Variants in SEMA6D observed in about 807,000 individuals in gnomAD.
SEMA6D encodes the protein semaphorin-6D.
In SEMA6D, 35 loss-of-function variants were observed where a neutral mutation model predicts 106.6. That is an observed-to-expected ratio of 0.33 (90% CI 0.25 to 0.44). The LOEUF (loss-of-function observed/expected upper bound fraction) is 0.44. SEMA6D is among the 20% of genes least tolerant of loss of function. SEMA6D has a pLI of 1.00. For synonymous variants in SEMA6D, 499 were observed against 487.7 expected (o/e 1.02, Z -0.31); for missense variants, 1,185 against 1,345.9 (o/e 0.88, Z 1.87).
chr15:47,552,792 TTA>T (rs377105227), intron 3 of SEMA6D, among the ~76,000 whole-genome samples: 1 of 62,126 alleles, frequency 1.6e-5, no homozygotes, highest in African/African-American at 7.4e-5. Flanking sequence ...ATATATATTT[TTA>T]TATATATATA....
intron 2 of SEMA6D, among the ~76,000 whole-genome samples, chr15:47,444,238 A>C (rs74347058): frequency 6.6e-6 from 1 of 152,166 alleles, no homozygotes; most frequent in African/African-American, 2.4e-5. Context: ...AGTTACTAAC[A>C]ATACAGAGGA....
chr15:47,287,366 A>G (rs1159053594), intron 1 of SEMA6D, among the ~76,000 whole-genome samples: 2 of 152,188 alleles, frequency 1.3e-5, no homozygotes, highest in South Asian at 2.1e-4. Context: ...ATAGTCTTTG[A>G]AGGAAAAGAA....
Position 47,770,719 on chromosome 15 carries a change from G to C in SEMA6D, c.2156G>C (p.Gly719Ala). ...AGTGGAAGTTTTGCCAAACTGAATG[G>C]TCTCTTTGACAGCCCTGTCAAGGAA... ...DSSGSFAKLN[G>A]LFDSPVKEYQ... The change falls in exon 19 of 19, where the codon GGT becomes GCT. Residue 719 changes from glycine to alanine, a missense_variant. Around this residue, in one of 3 missense-constraint regions of SEMA6D, gnomAD observed 750 missense variants for 783.5 expected, o/e 0.96. Coordinates refer to ENST00000536845, the MANE Select transcript of SEMA6D (RefSeq NM_001358351.3). 1.9e-6 allele frequency: 3 copies of C among 1,614,060 alleles called. No individual in the cohort carries two copies. Among genetic ancestry groups the C allele is most frequent in the Non-Finnish European group, 2.5e-6 (3 of 1,179,984 alleles).
intron 1 of SEMA6D, among the ~76,000 whole-genome samples, chr15:47,378,246 T>C (rs544181987): frequency 6.6e-5 from 10 of 152,286 alleles, no homozygotes; most frequent in African/African-American, 2.4e-4. Context: ...CTTGTAATCC[T>C]GGCACTTTGG....
At chr15:47,297,283 G>A (rs913418669) in intron 1 of SEMA6D, among the ~76,000 whole-genome samples, 2 of 151,980 alleles carry the variant, frequency 1.3e-5, no homozygotes, top group African/African-American at 2.4e-5. Context: ...CAGATGTTTC[G>A]ACTACAAATG....
intron 3 of SEMA6D, among the ~76,000 whole-genome samples, chr15:47,528,056 T>C (rs757298381): frequency 6.6e-6 from 1 of 152,210 alleles, no homozygotes; most frequent in Non-Finnish European, 1.5e-5. Flanking sequence ...CCACTTCAGC[T>C]CTTCATGCTT....
upstream of SEMA6D, among the ~76,000 whole-genome samples, chr15:47,715,607 C>T (rs78118014): frequency 7.4e-3 from 1,134 of 152,268 alleles, 16 homozygotes; most frequent in African/African-American, 0.026. Context: ...ACTGAAAACA[C>T]GGCTAATCCA....
intron 1 of SEMA6D, among the ~76,000 whole-genome samples, chr15:47,732,497 T>C (rs1317079282): frequency 6.6e-6 from 1 of 152,204 alleles, no homozygotes; most frequent in Non-Finnish European, 1.5e-5. Context: ...CCTGCTCATG[T>C]ATGAAGCCTA....
At chr15:47,365,162 G>A (rs559301205) in intron 1 of SEMA6D, among the ~76,000 whole-genome samples, 1 of 152,332 alleles carries the variant, frequency 6.6e-6, no homozygotes, top group African/African-American at 2.4e-5. Flanking sequence ...CTGAGCAAAA[G>A]AGACGACCTG....
At chr15:47,311,240 A>G (rs1278935349) in intron 1 of SEMA6D, among the ~76,000 whole-genome samples, 1 of 152,204 alleles carries the variant, frequency 6.6e-6, no homozygotes, top group Non-Finnish European at 1.5e-5. Flanking sequence ...AAAAGTTTAC[A>G]TAGGTAGAGT....
chr15:47,287,656 G>A (rs919186894), intron 1 of SEMA6D, among the ~76,000 whole-genome samples: 3 of 152,020 alleles, frequency 2.0e-5, no homozygotes, highest in South Asian at 4.2e-4. Flanking sequence ...CCCTTCCTTC[G>A]TTGCTAATTT....
chr15:47,411,180 C>T (rs1284994002), intron 1 of SEMA6D, among the ~76,000 whole-genome samples: 1 of 151,980 alleles, frequency 6.6e-6, no homozygotes, highest in Non-Finnish European at 1.5e-5. Context: ...ACTGCAACCT[C>T]GGTTTCCTGG....
intron 1 of SEMA6D, among the ~76,000 whole-genome samples, chr15:47,325,042 G>T (rs2037072058): frequency 6.6e-6 from 1 of 152,100 alleles, no homozygotes; most frequent in Admixed American, 6.5e-5. Context: ...AAAGTATCTT[G>T]TGGCACTTCC....
chr15:47,222,648 G>A (rs1205278790), intron 1 of SEMA6D, among the ~76,000 whole-genome samples: 1 of 152,114 alleles, frequency 6.6e-6, no homozygotes, highest in Non-Finnish European at 1.5e-5. Flanking sequence ...CAGCTTCTCT[G>A]CATTTGTCAC....
rs530308726 is a variant in SEMA6D at position 47,363,815 on chromosome 15, T to C, written c.-238-48578T>C. On this transcript the variant is annotated intron_variant, in intron 1 of 19. Transcript: ENST00000558014. ...GAAAGAGGTTTAATTAACTTCCAGT[T>C]CTGCATGGCTTGGGAGGCCTCAGGA... is the stretch of plus-strand genomic sequence containing the variant. Among the ~76,000 whole-genome samples the C allele has an allele frequency of 3.3e-5, 5 of 152,296 alleles. No homozygotes were observed. In the South Asian group the frequency reaches 1.0e-3, roughly 32 times the overall value.
chr15:47,522,465 A>C (rs187253280), intron 3 of SEMA6D, among the ~76,000 whole-genome samples: 42 of 152,282 alleles, frequency 2.8e-4, no homozygotes, highest in African/African-American at 9.9e-4. Flanking sequence ...TGTCTCATTT[A>C]CACTCTATCT....
At chr15:47,220,726 C>T (rs963314594) in intron 1 of SEMA6D, among the ~76,000 whole-genome samples, 1 of 152,208 alleles carries the variant, frequency 6.6e-6, no homozygotes, top group Non-Finnish European at 1.5e-5. Context: ...TCTTTCTGGT[C>T]TCTCACAGGT....
intron 3 of SEMA6D, among the ~76,000 whole-genome samples, chr15:47,491,786 G>T (rs1389700768): frequency 6.6e-6 from 1 of 152,154 alleles, no homozygotes; most frequent in African/African-American, 2.4e-5. Flanking sequence ...TTTTGCCAAA[G>T]AAATCTCATT....
chr15:47,721,927 G>A (rs1250687839), intron 1 of SEMA6D, among the ~76,000 whole-genome samples: 3 of 151,998 alleles, frequency 2.0e-5, no homozygotes, highest in Non-Finnish European at 4.4e-5. Context: ...ATCACCATTT[G>A]GAGCTACATG....
Sources: allele counts gnomAD v4.1 joint callset (sites outside exome capture counted in the v4.1 genomes callset), GRCh38; gene constraint gnomAD v4.1.1; regional missense constraint gnomAD v4.1.1; transcripts MANE v1.5; gene names NCBI Gene and HGNC (gene_info 2026-07-23, HGNC 2026-07-21).